The following PHC2 variants were observed in gnomAD, a reference collection of about 807,000 sequenced individuals.
PHC2 encodes the protein polyhomeotic-like protein 2.
In PHC2, 29 loss-of-function variants were observed where a neutral mutation model predicts 87.4. The ratio of observed to expected loss-of-function variants is 0.33; its 90% CI spans 0.25 to 0.45. The LOEUF is 0.45. Among genes scored for constraint, PHC2 ranks in the 20% least tolerant of loss-of-function variants. PHC2 has a pLI of 1.00. For synonymous variants in PHC2, 438 were observed against 461.7 expected, an observed-to-expected ratio of 0.95 and a Z score of 0.66; for missense variants, 857 against 1,136.7, an observed-to-expected ratio of 0.75 and a Z score of 3.54.
At chr1:33,336,016 T>C (rs1251301635) in intron 9 of PHC2, among the ~76,000 whole-genome samples, 1 of 150,926 alleles carries the variant, frequency 6.6e-6, no homozygotes, top group Non-Finnish European at 1.5e-5. Context: ...TTAGATGGAG[T>C]CTCACTCTGT....
At chr1:33,381,561 G>A (rs1648492756) in intron 1 of PHC2, among the ~76,000 whole-genome samples, 1 of 151,732 alleles carries the variant, frequency 6.6e-6, no homozygotes, top group East Asian at 1.9e-4. Context: ...TTGTCAATGA[G>A]AAATATATCT....
chr1:33,324,049 T>G lies in PHC2; in HGVS notation c.*816A>C, dbSNP rs2148171503. 1 of 152,472 alleles carries G rather than the reference T, an allele frequency of 6.6e-6. No individual in the cohort carries two copies. The highest frequency in any genetic ancestry group is 2.1e-4 in the South Asian group (1 of 4,836). The allele number at this position is 152,472 out of a possible 1,614,324, so 9.4% of individuals were successfully genotyped here. On this transcript the variant is annotated 3_prime_UTR_variant, in exon 15 of 15. Transcript: ENST00000683057. ...TGCTCTTTGTGAACCAGGAGGGCGG[T>G]CAGGGGAACTTCACAGTGCGGGGAG...
chr1:33,339,392 G>A (rs2148228490), intron 9 of PHC2, among the ~76,000 whole-genome samples: 1 of 152,224 alleles, frequency 6.6e-6, no homozygotes, highest in South Asian at 2.1e-4. Flanking sequence ...TAGGCTGGTG[G>A]TACCTGCCTA....
intron 1 of PHC2, among the ~76,000 whole-genome samples, chr1:33,399,959 A>C (rs368601038): frequency 2.0e-5 from 3 of 152,164 alleles, no homozygotes; most frequent in African/African-American, 7.2e-5. Flanking sequence ...GACTCTTAGA[A>C]ATCAGTAAGA....
At chr1:33,347,608 T>C in intron 9 of PHC2, 3 of 985,416 alleles carry the variant, frequency 3.0e-6, no homozygotes, top group Non-Finnish European at 3.6e-6. Context: ...GAAAACATAG[T>C]TGGACAACTG....
intron 1 of PHC2, among the ~76,000 whole-genome samples, chr1:33,378,915 A>G (rs1381911710): frequency 6.6e-6 from 1 of 152,034 alleles, no homozygotes; most frequent in Non-Finnish European, 1.5e-5. Flanking sequence ...CATTAATGAG[A>G]GCATGATTAG....
At chr1:33,430,742 C>T (rs1650880933) in intron 1 of PHC2, among the ~76,000 whole-genome samples, 1 of 150,766 alleles carries the variant, frequency 6.6e-6, no homozygotes, top group Non-Finnish European at 1.5e-5. Context: ...GCCGGGACTG[C>T]GGGCTCCCAG....
intron 4 of PHC2, 97 bp from the exon 5 acceptor site, chr1:33,370,682 G>C: frequency 8.1e-7 from 1 of 1,232,498 alleles, no homozygotes; most frequent in Non-Finnish European, 1.1e-6. Context: ...TTGCTCCTTG[G>C]TTTATTCAGC....
At chr1:33,396,526 C>G (rs1406592391) in intron 1 of PHC2, among the ~76,000 whole-genome samples, 1 of 152,318 alleles carries the variant, frequency 6.6e-6, no homozygotes, top group East Asian at 1.9e-4. Flanking sequence ...CCAGTTTCAT[C>G]GATCCCTATC....
chr1:33,376,271 G>A (rs971801809), intron 1 of PHC2, among the ~76,000 whole-genome samples: 2 of 152,160 alleles, frequency 1.3e-5, no homozygotes, highest in Admixed American at 1.3e-4. Context: ...CTGCCCCTGA[G>A]TGATCCACCT....
intron 9 of PHC2, chr1:33,347,271 C>A (rs1174681731): frequency 1.0e-6 from 1 of 985,244 alleles, no homozygotes; most frequent in Non-Finnish European, 1.2e-6. Context: ...AGCACAGTGC[C>A]TTCCTAAGAG....
At chr1:33,353,459 G>A (rs924311579) in intron 9 of PHC2, 1 of 152,270 alleles carries the variant, frequency 6.6e-6, no homozygotes, top group African/African-American at 2.4e-5. Context: ...TGCAAAGAGA[G>A]AAGAGATGAC....
chr1:33,362,339 T>C (rs975042247), intron 7 of PHC2, among the ~76,000 whole-genome samples: 7 of 152,160 alleles, frequency 4.6e-5, no homozygotes, highest in Non-Finnish European at 8.8e-5. Flanking sequence ...GACCTCGCAA[T>C]TGTGGACAGT....
At chr1:33,422,936 C>T (rs1650486434) in intron 1 of PHC2, among the ~76,000 whole-genome samples, 2 of 151,988 alleles carry the variant, frequency 1.3e-5, no homozygotes, top group Non-Finnish European at 2.9e-5. Flanking sequence ...AAAACCTACA[C>T]AATTCTTATT....
intron 1 of PHC2, among the ~76,000 whole-genome samples, chr1:33,417,545 T>G (rs1359157223): frequency 6.6e-6 from 1 of 152,110 alleles, no homozygotes; most frequent in African/African-American, 2.4e-5. Flanking sequence ...AAGGTAATCT[T>G]ATAATGATAA....
chr1:33,379,309 AC>A (rs1219419722), intron 1 of PHC2, among the ~76,000 whole-genome samples: 2 of 18,268 alleles, frequency 1.1e-4, no homozygotes, highest in African/African-American at 4.3e-4. Context: ...CTGCCCCCCC[AC>A]CCCCCCACTG....
At chr1:33,389,467 G>A (rs953883710) in intron 1 of PHC2, among the ~76,000 whole-genome samples, 1 of 151,898 alleles carries the variant, frequency 6.6e-6, no homozygotes, top group African/African-American at 2.4e-5. Flanking sequence ...GTTCCCTTTT[G>A]AAGGCCTCAT....
chr1:33,370,315 T>A, intron 5 of PHC2, 106 bp downstream of exon 5: 206 of 740,848 alleles, frequency 2.8e-4, no homozygotes, highest in Middle Eastern at 1.8e-3. Context: ...CTCCTGCCCC[T>A]GCCCCTAGTG....
chr1:33,325,102 C>G, intron 14 of PHC2, 83 bp from the exon 15 acceptor site: 15 of 1,246,174 alleles, frequency 1.2e-5, no homozygotes, highest in Non-Finnish European at 1.7e-5. Flanking sequence ...TTATCTAGAT[C>G]TAGTTATCTG....
Sources: allele counts gnomAD v4.1 joint callset (sites outside exome capture counted in the v4.1 genomes callset), GRCh38; gene constraint gnomAD v4.1.1; transcripts MANE v1.5; gene names NCBI Gene and HGNC (gene_info 2026-07-23, HGNC 2026-07-21).